The following HHAT variants were observed in gnomAD, a reference collection of about 807,000 sequenced individuals.
The protein encoded by HHAT is protein-cysteine N-palmitoyltransferase HHAT.
A neutral mutation model predicts 70.8 loss-of-function variants in HHAT; 47 were observed. The ratio of observed to expected loss-of-function variants is 0.66; its 90% CI spans 0.53 to 0.85. The LOEUF (loss-of-function observed/expected upper bound fraction) is 0.85. HHAT is among the 40% of genes least tolerant of loss of function. The probability of loss-of-function intolerance (pLI) is 0.00; values close to 1 mark genes in which losing one functional copy is unlikely to be tolerated. For synonymous variants in HHAT, 228 were observed against 247.6 expected (o/e 0.92, Z 0.74); for missense variants, 609 against 604.8 (o/e 1.01, Z -0.07).
At chr1:210,362,236 C>CTTTTTTTTTTTTTTT (rs72236593) in intron 2 of HHAT, among the ~76,000 whole-genome samples, 1 of 139,674 alleles carries the variant, frequency 7.2e-6, no homozygotes, top group African/African-American at 2.7e-5. Flanking sequence ...GTCAAAATTT[C>CTTTTTTTTTTTTTTT]TTTTTTTTTT....
At chr1:210,563,935 A>C (rs1573356522) in intron 9 of HHAT, among the ~76,000 whole-genome samples, 1 of 152,014 alleles carries the variant, frequency 6.6e-6, no homozygotes, top group African/African-American at 2.4e-5. Flanking sequence ...AGATGAACTC[A>C]TACTACATTG....
chr1:210,395,754 T>C (rs1307043452), intron 4 of HHAT, among the ~76,000 whole-genome samples: 1 of 152,162 alleles, frequency 6.6e-6, no homozygotes, highest in Non-Finnish European at 1.5e-5. Flanking sequence ...ATTATTGGGT[T>C]CCAAAGTCCA....
intron 10 of HHAT, among the ~76,000 whole-genome samples, chr1:210,606,807 G>A (rs1218901506): frequency 6.6e-6 from 1 of 152,142 alleles, no homozygotes; most frequent in African/African-American, 2.4e-5. Flanking sequence ...TGGATCTCAG[G>A]TTGAAAAGTA....
intron 9 of HHAT, among the ~76,000 whole-genome samples, chr1:210,525,633 A>G (rs563920475): frequency 6.6e-6 from 1 of 152,332 alleles, no homozygotes; most frequent in South Asian, 2.1e-4. Flanking sequence ...TCCAGATTTA[A>G]AAAGAAAAAA....
intron 7 of HHAT, among the ~76,000 whole-genome samples, chr1:210,448,343 A>G (rs1046562431): frequency 2.0e-5 from 3 of 152,050 alleles, no homozygotes; most frequent in Admixed American, 6.5e-5. Flanking sequence ...CAGTTTCCCA[A>G]AGTGTTGGGA....
intron 4 of HHAT, among the ~76,000 whole-genome samples, chr1:210,396,237 G>A (rs2091779423): frequency 6.6e-6 from 1 of 152,146 alleles, no homozygotes. Flanking sequence ...AGAAATGGAA[G>A]AACCTGGAAT....
intron 4 of HHAT, among the ~76,000 whole-genome samples, chr1:210,393,694 T>C (rs2091598757): frequency 6.6e-6 from 1 of 152,164 alleles, no homozygotes; most frequent in African/African-American, 2.4e-5. Flanking sequence ...TCTTATCCAA[T>C]ATCAGTAGGA....
chr1:210,490,619 A>G (rs2094536290), intron 8 of HHAT, among the ~76,000 whole-genome samples: 1 of 152,208 alleles, frequency 6.6e-6, no homozygotes, highest in Non-Finnish European at 1.5e-5. Context: ...GTCCTCAGGC[A>G]AATGAGATTA....
intron 2 of HHAT, among the ~76,000 whole-genome samples, chr1:210,350,692 C>A (rs987678301): frequency 6.6e-6 from 1 of 152,160 alleles, no homozygotes; most frequent in Admixed American, 6.5e-5. Context: ...GTAATCATGG[C>A]GTCTGCGAAG....
intron 4 of HHAT, among the ~76,000 whole-genome samples, chr1:210,390,262 T>A (rs1254009540): frequency 6.6e-6 from 1 of 152,124 alleles, no homozygotes; most frequent in Non-Finnish European, 1.5e-5. Flanking sequence ...ACACATAATT[T>A]GAAAGTAAAA....
At chr1:210,630,074 C>T (rs545014247) in intron 11 of HHAT, among the ~76,000 whole-genome samples, 1 of 152,274 alleles carries the variant, frequency 6.6e-6, no homozygotes, top group Non-Finnish European at 1.5e-5. Flanking sequence ...AACTCCTGAC[C>T]TCATGATCTG....
chr1:210,560,629 A>T (rs2095612560), intron 9 of HHAT, among the ~76,000 whole-genome samples: 1 of 150,862 alleles, frequency 6.6e-6, no homozygotes, highest in South Asian at 2.1e-4. Context: ...CAGCCTGGGC[A>T]ACATAGACCC....
At chr1:210,411,162 T>G (rs2092539676) in intron 6 of HHAT, among the ~76,000 whole-genome samples, 1 of 152,150 alleles carries the variant, frequency 6.6e-6, no homozygotes, top group Admixed American at 6.5e-5. Context: ...AGCGATATTT[T>G]CTTGATTATC....
At chr1:210,337,641 CTG>C (rs1278437588) in intron 1 of HHAT, among the ~76,000 whole-genome samples, 2 of 152,208 alleles carry the variant, frequency 1.3e-5, no homozygotes, top group African/African-American at 4.8e-5. Flanking sequence ...CATTTCCTCT[CTG>C]TCTCTGACCC....
At chr1:210,631,794 C>G (rs1024429388) in intron 11 of HHAT, among the ~76,000 whole-genome samples, 4 of 152,196 alleles carry the variant, frequency 2.6e-5, no homozygotes, top group African/African-American at 9.7e-5. Flanking sequence ...GGACCTTTTC[C>G]TTGCCTCAGG....
chr1:210,539,815 T>A (rs1027779119), intron 9 of HHAT, among the ~76,000 whole-genome samples: 2 of 152,130 alleles, frequency 1.3e-5, no homozygotes, highest in African/African-American at 2.4e-5. Flanking sequence ...ATCCTTTGAA[T>A]TTTGTCCTGT....
chr1:210,526,489 A>AT (rs2095251998), intron 9 of HHAT, among the ~76,000 whole-genome samples: 1 of 152,080 alleles, frequency 6.6e-6, no homozygotes, highest in South Asian at 2.1e-4. Context: ...TCAGTTCCAC[A>AT]AACCAGAATT....
At position 210,373,299 on chromosome 1, in the gene HHAT, G is replaced by A. The variant is rs144123531; in HGVS notation, c.159+10380G>A. Among the ~76,000 whole-genome samples, 283 of 152,094 alleles carry A rather than the reference G, an allele frequency of 1.9e-3. 4 individuals are homozygous for A. In the East Asian group the frequency reaches 0.044, roughly 24 times the overall value. On this transcript the variant is annotated intron_variant, in intron 3 of 11. Coordinates refer to ENST00000261458, the MANE Select transcript of HHAT (RefSeq NM_018194.6). ...TGGCGGGATCTGAAATTTGGGGGGA[G>A]GTATGGGGAAGTGGGAAGGAGGGAA...
Position 210,366,084 on chromosome 1 carries a change from C to T in HHAT, c.159+3165C>T, listed in dbSNP as rs1328750228. ...TAGCTGGGACTACAGACATGCACCA[C>T]CATACCTGGCTGATTTTTAATATTT... On this transcript the variant is annotated intron_variant, in intron 3 of 11. Transcript: ENST00000261458. Among the ~76,000 whole-genome samples, 4 of 152,234 alleles carry T rather than the reference C, an allele frequency of 2.6e-5. No individual in the cohort carries two copies. In the East Asian group the frequency reaches 7.7e-4, roughly 29 times the overall value.
Sources: allele counts gnomAD v4.1 joint callset (sites outside exome capture counted in the v4.1 genomes callset), GRCh38; gene constraint gnomAD v4.1.1; transcripts MANE v1.5; gene names NCBI Gene and HGNC (gene_info 2026-07-23, HGNC 2026-07-21).